WDFY4: variants seen among roughly 807,000 people sequenced by gnomAD.
WDFY4 encodes WDFY family member 4, also known as WD repeat- and FYVE domain-containing protein 4.
A neutral mutation model predicts 351.9 loss-of-function variants in WDFY4; 169 were observed. The observed-to-expected ratio is 0.48, with a 90% CI of 0.42 to 0.55. The LOEUF (loss-of-function observed/expected upper bound fraction) is 0.55, where lower values mean the gene tolerates loss of function less well. WDFY4 is among the 20% of genes least tolerant of loss of function. The probability of loss-of-function intolerance (pLI) is 0.00; values close to 1 mark genes in which losing one functional copy is unlikely to be tolerated. For synonymous variants in WDFY4, 1,622 were observed against 1,574.6 expected (o/e 1.03, Z -0.71); for missense variants, 3,803 against 3,935.6 (o/e 0.97, Z 0.90).
Position 48,833,072 on chromosome 10 carries a change from G to A in WDFY4, c.6663+363G>A, listed in dbSNP as rs760343095. Among the ~76,000 whole-genome samples the A allele has an allele frequency of 9.9e-5, 15 of 152,040 alleles. No individual in the cohort carries two copies. In the East Asian group the frequency reaches 1.4e-3, roughly 14 times the overall value. On this transcript the variant is annotated intron_variant, in intron 39 of 61. Coordinates refer to ENST00000325239, the MANE Select transcript of WDFY4 (RefSeq NM_001394531.1). ...CCTCTTTACTGTGTGGGGCAGACCC[G>A]TTGGGATTTTCTAATCAGTTTCTCA...
chr10:48,913,740 G>T (rs11101561), intron 47 of WDFY4: 1 of 1,613,222 alleles, frequency 6.2e-7, no homozygotes, highest in African/African-American at 1.3e-5. Flanking sequence ...GGCCCCCAGT[G>T]TGGTGGGCAC....
chr10:48,888,721 G>T (rs1437189697), intron 43 of WDFY4, among the ~76,000 whole-genome samples: 1 of 152,136 alleles, frequency 6.6e-6, no homozygotes, highest in African/African-American at 2.4e-5. Context: ...CCCTTAACTG[G>T]ATGTCCCCGT....
intron 12 of WDFY4, among the ~76,000 whole-genome samples, chr10:48,750,005 G>T (rs2065131595): frequency 6.6e-6 from 1 of 152,182 alleles, no homozygotes; most frequent in African/African-American, 2.4e-5. Context: ...CAGGAATGCG[G>T]TGTGCTCCAG....
intron 27 of WDFY4, 79 bp from the exon 28 acceptor site, chr10:48,807,780 G>A (rs2067308303): frequency 6.8e-7 from 1 of 1,475,176 alleles, no homozygotes; most frequent in Admixed American, 2.0e-5. Context: ...TAAGCATTTG[G>A]TGAATATGAT....
At chr10:48,869,893 G>T (rs910706495) in intron 40 of WDFY4, among the ~76,000 whole-genome samples, 1 of 152,002 alleles carries the variant, frequency 6.6e-6, no homozygotes, top group Non-Finnish European at 1.5e-5. Context: ...TCACAGCTCT[G>T]TCAGTTAAAA....
intron 47 of WDFY4, among the ~76,000 whole-genome samples, chr10:48,919,213 A>G (rs552561166): frequency 6.6e-6 from 1 of 152,178 alleles, no homozygotes; most frequent in Non-Finnish European, 1.5e-5. Context: ...TACACATATC[A>G]GGAGTTAAAG....
chr10:48,726,014 G>A lies in WDFY4; in HGVS notation c.725G>A (p.Cys242Tyr). The A allele has an allele frequency of 6.4e-7, 1 of 1,551,648 alleles. No homozygotes were observed. The highest frequency in any genetic ancestry group is 8.7e-7 in the Non-Finnish European group (1 of 1,146,978). ...TGCTTCTGGAAGGAACCCACCTTCT[G>A]CGTGCTAAGGGCAATCTCCAAGGCC... ...SCCFWKEPTF[C>Y]VLRAISKAQN... Residue 242 changes from cysteine (C) to tyrosine (Y), a missense_variant, in exon 6 of 62, where the codon TGC becomes TAC. Physicochemically the swap from Cys to Tyr is radical, Grantham distance 194 (BLOSUM62 -2). Transcript: ENST00000325239.
In WDFY4 at chr10:48,702,268, C is replaced by T. The variant is rs1369398009; in HGVS notation, c.-17-7448C>T. Among the ~76,000 whole-genome samples, 4 of 152,142 alleles carry T rather than the reference C, an allele frequency of 2.6e-5. No homozygotes were observed. The East Asian group carries it at 7.7e-4, about 29-fold the overall frequency. On this transcript the variant is annotated intron_variant, in intron 1 of 61. Transcript: ENST00000325239. ...CTCAGAGCAGCTCCATAGCTCAGAA[C>T]TGCTACTAAATAGCAAGTTCTGTGC...
intron 43 of WDFY4, among the ~76,000 whole-genome samples, chr10:48,888,517 A>T (rs995329799): frequency 1.3e-5 from 2 of 152,066 alleles, no homozygotes; most frequent in Middle Eastern, 3.4e-3. Context: ...TTCTAATGCC[A>T]TCTCCACCCA....
chr10:48,760,043 A>G (rs1327040367), intron 12 of WDFY4, among the ~76,000 whole-genome samples: 5 of 152,070 alleles, frequency 3.3e-5, no homozygotes, highest in African/African-American at 1.2e-4. Flanking sequence ...TCAATCTCCA[A>G]CGTATCTGGA....
chr10:48,850,042 G>A (rs2068904698), intron 39 of WDFY4, among the ~76,000 whole-genome samples: 1 of 152,184 alleles, frequency 6.6e-6, no homozygotes, highest in South Asian at 2.1e-4. Context: ...GACAACCACA[G>A]AAGTGATATG....
intron 1 of WDFY4, among the ~76,000 whole-genome samples, chr10:48,703,953 C>T (rs898241316): frequency 6.6e-6 from 1 of 152,140 alleles, no homozygotes; most frequent in Non-Finnish European, 1.5e-5. Flanking sequence ...TGGCCACTCC[C>T]AGCACTGGTG....
chr10:48,760,309 G>C (rs1226946719), intron 12 of WDFY4, 38 bp from the exon 13 acceptor site: 6 of 1,526,614 alleles, frequency 3.9e-6, no homozygotes, highest in Non-Finnish European at 5.3e-6. Context: ...GAAACTGGAA[G>C]GTCCGTGTCT....
chr10:48,893,804 A>G (rs1237231112), intron 44 of WDFY4, among the ~76,000 whole-genome samples: 1 of 152,228 alleles, frequency 6.6e-6, no homozygotes, highest in Non-Finnish European at 1.5e-5. Flanking sequence ...TATCATAACT[A>G]TCATTTATCT....
chr10:48,824,818 CT>C (rs1391635652), intron 35 of WDFY4, among the ~76,000 whole-genome samples: 1 of 152,020 alleles, frequency 6.6e-6, no homozygotes, highest in Non-Finnish European at 1.5e-5. Context: ...TTTTTTTTAA[CT>C]TTTTGGAAAG....
At position 48,765,183 on chromosome 10, in the gene WDFY4, G is replaced by C. The variant is rs1295895807; in HGVS notation, c.2553+4743G>C. ...GAGGACCTCGAATGTTGAGCTAAGA[G>C]AATTTAACTTTATTGGGTTGCCATT... On this transcript the variant is annotated intron_variant, in intron 13 of 61. Coordinates refer to ENST00000325239, the MANE Select transcript of WDFY4 (RefSeq NM_001394531.1). Among the ~76,000 whole-genome samples, 3 of 152,206 alleles carry C rather than the reference G, an allele frequency of 2.0e-5. No homozygotes were observed. In the East Asian group the frequency reaches 5.8e-4, roughly 29 times the overall value.
At chr10:48,706,237 G>T (rs1359565416) in intron 1 of WDFY4, among the ~76,000 whole-genome samples, 1 of 152,202 alleles carries the variant, frequency 6.6e-6, no homozygotes, top group Non-Finnish European at 1.5e-5. Flanking sequence ...ATTTTATTGA[G>T]AATCTACTCT....
chr10:48,838,113 G>A (rs1271887804), intron 39 of WDFY4, among the ~76,000 whole-genome samples: 2 of 152,238 alleles, frequency 1.3e-5, no homozygotes, highest in Non-Finnish European at 2.9e-5. Flanking sequence ...TAACAGAATG[G>A]GATGAGAGGG....
At chr10:48,793,470 G>C (rs2066748468) in intron 23 of WDFY4, among the ~76,000 whole-genome samples, 1 of 152,326 alleles carries the variant, frequency 6.6e-6, no homozygotes, top group South Asian at 2.1e-4. Context: ...TGAAGAAATA[G>C]TATTATTTTG....
Sources: gnomAD v4.1 joint callset for allele counts (sites outside exome capture counted in the v4.1 genomes callset) on GRCh38, gnomAD v4.1.1 for gene constraint, MANE v1.5 for transcripts, NCBI Gene and HGNC (gene_info 2026-07-23, HGNC 2026-07-21) for gene names.